Variants in AFG1L observed in about 807,000 individuals in gnomAD.
AFG1L encodes AFG1 like ATPase.
In AFG1L, 53 loss-of-function variants were observed where a neutral mutation model predicts 62.2. The observed-to-expected ratio is 0.85, with a 90% CI of 0.68 to 1.07. AFG1L has a LOEUF of 1.07. AFG1L is among the 50% of genes least tolerant of loss of function. The pLI is 0.00. For synonymous variants in AFG1L, 228 were observed against 210.3 expected (o/e 1.08, Z -0.73); for missense variants, 555 against 590.5 (o/e 0.94, Z 0.62).
At chr6:108,370,425 T>C (rs1408299038) in intron 6 of AFG1L, among the ~76,000 whole-genome samples, 2 of 151,912 alleles carry the variant, frequency 1.3e-5, no homozygotes, top group Non-Finnish European at 2.9e-5. Context: ...CCTCTTTTGC[T>C]CACTAGGGAA....
At chr6:108,339,728 G>A (rs1263906492) in intron 2 of AFG1L, among the ~76,000 whole-genome samples, 3 of 152,104 alleles carry the variant, frequency 2.0e-5, no homozygotes. Context: ...GATTACAGGT[G>A]TGAACTACTG....
rs1034955300 is a variant in AFG1L, at chr6:108,482,757, A to G, written c.1062+5465A>G. The stretch of plus-strand genomic sequence containing the variant: ...ATGTTTTCCTTATGATTAGACTGGA[A>G]TGATGGTCTTTGGGGAATAGACCAC... On this transcript the variant is annotated intron_variant, in intron 10 of 12. Transcript: ENST00000368977. 3.9e-5 allele frequency among the ~76,000 whole-genome samples: 6 copies of G among 152,304 alleles called. 1 individual carries two copies. In the South Asian group the frequency reaches 8.3e-4, roughly 21 times the overall value.
intron 10 of AFG1L, among the ~76,000 whole-genome samples, chr6:108,499,314 CA>C (rs1220795995): frequency 6.6e-6 from 1 of 151,794 alleles, no homozygotes; most frequent in Non-Finnish European, 1.5e-5. Context: ...AGCAATCCAC[CA>C]ACCTCAGCCT....
chr6:108,422,767 G>C (rs1384213116), intron 7 of AFG1L, among the ~76,000 whole-genome samples: 1 of 151,954 alleles, frequency 6.6e-6, no homozygotes, highest in African/African-American at 2.4e-5. Flanking sequence ...TTCTGCAGTA[G>C]TCATCCATGA....
chr6:108,463,134 C>T (rs567816909), intron 8 of AFG1L, among the ~76,000 whole-genome samples: 141 of 151,964 alleles, frequency 9.3e-4, no homozygotes, highest in African/African-American at 3.1e-3. Flanking sequence ...ACTAAAAATA[C>T]GAAAATTAGC....
intron 1 of AFG1L, among the ~76,000 whole-genome samples, chr6:108,315,750 T>A (rs1425528577): frequency 6.6e-6 from 1 of 152,194 alleles, no homozygotes; most frequent in East Asian, 1.9e-4. Context: ...AGTTCTTTTT[T>A]AAACAGTGGT....
At chr6:108,431,207 G>A (rs923188625) in intron 7 of AFG1L, among the ~76,000 whole-genome samples, 5 of 151,980 alleles carry the variant, frequency 3.3e-5, no homozygotes, top group Admixed American at 6.5e-5. Flanking sequence ...AGGTTCAAGC[G>A]CTTCTTCTGC....
intron 7 of AFG1L, among the ~76,000 whole-genome samples, chr6:108,413,793 C>G (rs1782225346): frequency 6.6e-6 from 1 of 152,002 alleles, no homozygotes; most frequent in Non-Finnish European, 1.5e-5. Context: ...ATTTATAACA[C>G]TAAATGCCCA....
chr6:108,407,533 A>G (rs1318246939), intron 7 of AFG1L, among the ~76,000 whole-genome samples: 1 of 151,988 alleles, frequency 6.6e-6, no homozygotes, highest in Non-Finnish European at 1.5e-5. Flanking sequence ...AATTTTTTTT[A>G]AATTAGCTAG....
At chr6:108,471,381 T>C (rs909408482) in intron 8 of AFG1L, among the ~76,000 whole-genome samples, 1 of 151,940 alleles carries the variant, frequency 6.6e-6, no homozygotes, top group African/African-American at 2.4e-5. Flanking sequence ...TACTCTTGGA[T>C]CTCCCATCAC....
chr6:108,438,957 C>T (rs1365622995), intron 7 of AFG1L, among the ~76,000 whole-genome samples: 1 of 152,068 alleles, frequency 6.6e-6, no homozygotes, highest in Non-Finnish European at 1.5e-5. Context: ...AGACTCAGGC[C>T]GTGTGGTCTG....
chr6:108,493,103 C>T (rs185339114), intron 10 of AFG1L, among the ~76,000 whole-genome samples: 89 of 152,260 alleles, frequency 5.8e-4, no homozygotes, highest in African/African-American at 2.0e-3. Context: ...TCCTGTTTTT[C>T]TAGAACAGGG....
At chr6:108,507,508 A>G (rs1437199148) in intron 10 of AFG1L, among the ~76,000 whole-genome samples, 1 of 152,240 alleles carries the variant, frequency 6.6e-6, no homozygotes. Flanking sequence ...AATTTGTAAA[A>G]TAGCTGAATG....
chr6:108,490,835 G>A (rs972353415), intron 10 of AFG1L, among the ~76,000 whole-genome samples: 4 of 152,150 alleles, frequency 2.6e-5, no homozygotes, highest in Non-Finnish European at 1.5e-5. Flanking sequence ...ATTTCCCTCT[G>A]TTGAAAACCC....
intron 3 of AFG1L, among the ~76,000 whole-genome samples, chr6:108,347,665 A>C (rs1402967843): frequency 6.6e-6 from 1 of 152,114 alleles, no homozygotes; most frequent in Non-Finnish European, 1.5e-5. Context: ...TCTTACTGAA[A>C]TATTCTGTTT....
chr6:108,411,168 AC>A (rs1434557662), intron 7 of AFG1L, among the ~76,000 whole-genome samples: 2 of 152,094 alleles, frequency 1.3e-5, no homozygotes, highest in African/African-American at 2.4e-5. Flanking sequence ...CACTGCTAGC[AC>A]AGCAGTCTGA....
intron 2 of AFG1L, among the ~76,000 whole-genome samples, chr6:108,342,665 A>G (rs532892746): frequency 1.3e-5 from 2 of 152,288 alleles, no homozygotes; most frequent in East Asian, 1.9e-4. Context: ...AATAATTTCA[A>G]TAATTATTAG....
intron 11 of AFG1L, among the ~76,000 whole-genome samples, chr6:108,515,401 C>CT (rs1464825114): frequency 1.3e-5 from 2 of 152,178 alleles, no homozygotes; most frequent in Non-Finnish European, 2.9e-5. Flanking sequence ...GAATGAACTA[C>CT]TGGGTACATA....
chr6:108,403,907 C>T (rs1781738708), intron 7 of AFG1L, among the ~76,000 whole-genome samples: 1 of 151,292 alleles, frequency 6.6e-6, no homozygotes, highest in Admixed American at 6.6e-5. Flanking sequence ...TGAAAGTGAA[C>T]ATGAACTGAG....
Sources: allele counts gnomAD v4.1 joint callset (sites outside exome capture counted in the v4.1 genomes callset), GRCh38; gene constraint gnomAD v4.1.1; transcripts MANE v1.5; gene names NCBI Gene and HGNC (gene_info 2026-07-23, HGNC 2026-07-21).